ANK2: variants seen among roughly 807,000 people sequenced by gnomAD.
ANK2 encodes the protein ankyrin-2.
A neutral mutation model predicts 360.5 loss-of-function variants in ANK2; 83 were observed. The ratio of observed to expected loss-of-function variants is 0.23; its 90% confidence interval spans 0.19 to 0.28. ANK2 has a LOEUF of 0.28. Among genes scored for constraint, ANK2 ranks in the 10% least tolerant of loss-of-function variants. The probability of loss-of-function intolerance (pLI) is 1.00; values close to 1 mark genes in which losing one functional copy is unlikely to be tolerated. For missense variants in ANK2, 4,201 were observed against 4,795.7 expected, an observed-to-expected ratio of 0.88 and a Z score of 3.66; for synonymous variants, 1,740 against 1,759.5, an observed-to-expected ratio of 0.99 and a Z score of 0.28.
At chr4:113,117,688 A>G (rs1243824843) in intron 1 of ANK2, among the ~76,000 whole-genome samples, 1 of 152,086 alleles carries the variant, frequency 6.6e-6, no homozygotes, top group Non-Finnish European at 1.5e-5. Flanking sequence ...TTTAATCTCA[A>G]AGCTAGGTGC....
chr4:112,899,897 C>T (rs1489411894), intron 1 of ANK2, among the ~76,000 whole-genome samples: 2 of 152,074 alleles, frequency 1.3e-5, no homozygotes, highest in African/African-American at 4.8e-5. Flanking sequence ...GACTCAAAAA[C>T]CACAGGCTGA....
intron 2 of ANK2, among the ~76,000 whole-genome samples, chr4:112,943,870 T>A (rs1303011689): frequency 6.6e-6 from 1 of 152,124 alleles, no homozygotes; most frequent in Non-Finnish European, 1.5e-5. Flanking sequence ...CTGGCACTCT[T>A]GTTAATAATT....
upstream of ANK2, among the ~76,000 whole-genome samples, chr4:113,046,786 TGA>T (rs2064587223): frequency 6.6e-6 from 1 of 152,110 alleles, no homozygotes. Context: ...ACTGTCAAAT[TGA>T]GAAGCCAAAA....
chr4:112,994,071 T>G (rs1361643513), intron 2 of ANK2, among the ~76,000 whole-genome samples: 1 of 152,226 alleles, frequency 6.6e-6, no homozygotes, highest in Admixed American at 6.5e-5. Flanking sequence ...GTCTGGAACA[T>G]CTCACGTATT....
upstream of ANK2, among the ~76,000 whole-genome samples, chr4:112,814,429 TTTTG>T (rs746067224): frequency 2.1e-4 from 19 of 91,244 alleles, no homozygotes; most frequent in African/African-American, 7.2e-4. Flanking sequence ...GAGAGCGTTT[TTTTG>T]TTTTTTTGTT....
At chr4:112,742,552 A>G in the ANK2 span, among the ~76,000 whole-genome samples, 1 of 152,158 alleles carries the variant, frequency 6.6e-6, no homozygotes, top group African/African-American at 2.4e-5. Context: ...GACAATGGTT[A>G]TCCATAATAG....
chr4:113,358,938 C>A lies in ANK2; in HGVS notation c.10320C>A (p.Ser3440=). Residue 3440 remains serine (S), a synonymous_variant, in exon 38 of 46, where the codon TCC becomes TCA. Transcript: ENST00000357077. ...EGATRPKILT[S]RLPVKSRSTT... ...CCACAAGACCAAAGATACTTACATC[C>A]CGATTGCCAGTTAAGAGCAGAAGCA... The A allele has an allele frequency of 6.2e-7, 1 of 1,613,880 alleles. No homozygotes were observed.
chr4:113,298,025 G>A (rs1465303453), intron 22 of ANK2, among the ~76,000 whole-genome samples: 1 of 151,958 alleles, frequency 6.6e-6, no homozygotes, highest in Non-Finnish European at 1.5e-5. Flanking sequence ...ACCTGCCTTG[G>A]CCTCCCAAAA....
At chr4:113,269,702 TGGGAGC>T (rs1586707636) in intron 14 of ANK2, among the ~76,000 whole-genome samples, 186 of 140,056 alleles carry the variant, frequency 1.3e-3, no homozygotes, top group Middle Eastern at 8.0e-3. Flanking sequence ...GATCTGCAGA[TGGGAGC>T]TGTTCCTATT....
intron 1 of ANK2, among the ~76,000 whole-genome samples, chr4:112,821,575 C>T (rs928559853): frequency 6.7e-6 from 1 of 150,140 alleles, no homozygotes; most frequent in Admixed American, 6.7e-5. Context: ...GTGATCACAG[C>T]TCATGTAACC....
chr4:112,733,187 G>T, the ANK2 span, among the ~76,000 whole-genome samples: 3 of 152,224 alleles, frequency 2.0e-5, no homozygotes, highest in African/African-American at 7.2e-5. Context: ...CTGCACTCCA[G>T]CATGGGCGAC....
intron 1 of ANK2, among the ~76,000 whole-genome samples, chr4:113,089,806 A>G (rs2086848243): frequency 6.6e-6 from 1 of 152,034 alleles, no homozygotes; most frequent in Non-Finnish European, 1.5e-5. Context: ...CCTAGGTAAC[A>G]AGAGCGAATC....
chr4:113,333,702 T>C (rs1720552405), intron 29 of ANK2, among the ~76,000 whole-genome samples: 1 of 152,240 alleles, frequency 6.6e-6, no homozygotes, highest in Non-Finnish European at 1.5e-5. Flanking sequence ...AATACTATAA[T>C]TTTTAAACTA....
chr4:113,235,887 G>A (rs1280383630), intron 5 of ANK2, among the ~76,000 whole-genome samples: 2 of 151,950 alleles, frequency 1.3e-5, no homozygotes, highest in Admixed American at 6.6e-5. Context: ...GACTACAGGC[G>A]CCTGCCACCA....
In ANK2 at chr4:113,246,651, A is replaced by T. The variant is rs535696247; in HGVS notation, c.892-3113A>T. Among the ~76,000 whole-genome samples, 11 of 152,342 alleles carry T rather than the reference A, an allele frequency of 7.2e-5. No homozygotes were observed. The South Asian group carries it at 2.3e-3, about 32-fold the overall frequency. On this transcript the variant is annotated intron_variant, in intron 9 of 45. Coordinates refer to ENST00000357077, the MANE Select transcript of ANK2 (RefSeq NM_001148.6). ...TTTCAAAGCAAACAATAAAAAGTGT[A>T]CAAAAACATTAAAGGATGATGAACA...
chr4:113,229,825 C>A (rs2099270572), intron 4 of ANK2, among the ~76,000 whole-genome samples: 1 of 152,326 alleles, frequency 6.6e-6, no homozygotes, highest in Non-Finnish European at 1.5e-5. Context: ...CTTTCTCCTG[C>A]TGATCTGGCG....
Position 113,365,051 on chromosome 4 carries a change from T to A in ANK2, c.10901T>A (p.Val3634Asp), listed in dbSNP as rs66785829. The change falls in exon 41 of 46, where the codon GTT becomes GAT. Residue 3634 changes from valine to aspartate, a missense_variant. By Grantham distance (152) the Val-to-Asp change is radical. Coordinates refer to ENST00000357077, the MANE Select transcript of ANK2 (RefSeq NM_001148.6). ...DGKHATDTNL[V>D]ECLTKINRMD... ...TCTAATGTGTCAGATACCAACCTCG[T>A]TGAATGTCTCACCAAGATCAACCGA... The A allele has an allele frequency of 2.1e-3, 3,371 of 1,613,852 alleles. 23 individuals carry two copies. The Middle Eastern group carries it at 0.023, about 11-fold the overall frequency.
rs778848510 is a variant in ANK2, at chr4:113,278,501, C to G, written c.1824C>G (p.Asn608Lys). Residue 608 changes from asparagine to lysine, a missense_variant, in exon 17 of 46, where the codon AAC becomes AAG. Coordinates refer to ENST00000357077, the MANE Select transcript of ANK2 (RefSeq NM_001148.6). ...TCCATGTTGCTGCTCATTATGACAA[C>G]CAGAAGGTGGCGCTGCTGTTACTGG... The part of the protein sequence containing the change: ...TPLHVAAHYD[N>K]QKVALLLLEK... 1 of 1,613,958 alleles carries G rather than the reference C, an allele frequency of 6.2e-7. No homozygotes were observed. Among genetic ancestry groups the G allele is most frequent in the South Asian group, 1.1e-5 (1 of 91,068 alleles).
intron 2 of ANK2, among the ~76,000 whole-genome samples, chr4:113,193,649 A>C (rs986480188): frequency 2.0e-5 from 3 of 152,182 alleles, no homozygotes; most frequent in Admixed American, 6.5e-5. Flanking sequence ...TTGTATCTAC[A>C]TTTATGGCAC....
Sources: allele counts gnomAD v4.1 joint callset (sites outside exome capture counted in the v4.1 genomes callset), GRCh38; gene constraint gnomAD v4.1.1; transcripts MANE v1.5; gene names NCBI Gene and HGNC (gene_info 2026-07-23, HGNC 2026-07-21).